CSMD1: variants seen among roughly 807,000 people sequenced by gnomAD.
The protein encoded by CSMD1 is CUB and sushi domain-containing protein 1.
CSMD1 carries 213 observed loss-of-function variants against 417.5 expected under a neutral mutation model. The observed-to-expected ratio is 0.51, with a 90% CI of 0.46 to 0.57. The LOEUF is 0.57. Among genes scored for constraint, CSMD1 ranks in the 20% least tolerant of loss-of-function variants. The probability of loss-of-function intolerance (pLI) is 0.00; values close to 1 mark genes in which losing one functional copy is unlikely to be tolerated. For synonymous variants in CSMD1, 2,862 were observed against 1,736.8 expected, an observed-to-expected ratio of 1.65 and a Z score of -16.11; for missense variants, 6,923 against 4,529.7, an observed-to-expected ratio of 1.53 and a Z score of -15.17.
chr8:3,209,875 A>G (rs1470628801), intron 30 of CSMD1, among the ~76,000 whole-genome samples: 1 of 152,340 alleles, frequency 6.6e-6, no homozygotes, highest in East Asian at 1.9e-4. Context: ...TCTCGTACAT[A>G]AAAGCAACCA....
In CSMD1 at chr8:3,315,460, G is replaced by GTGTGTGTGTT. The variant is rs370216684; in HGVS notation, c.3632-6958_3632-6957insAACACACACA. ...TGAGTGTGTGTGTGTGTGTGTGTGT[G>GTGTGTGTGTT]TGATTTTTAAACTATCTTTTAAATT... is the stretch of plus-strand genomic sequence containing the variant. On this transcript the variant is annotated intron_variant, in intron 23 of 69. Transcript: ENST00000635120. Among the ~76,000 whole-genome samples the GTGTGTGTGTT allele has an allele frequency of 2.4e-3, 366 of 151,520 alleles. 1 individual carries two copies. The highest frequency in any genetic ancestry group is 3.3e-3 in the Non-Finnish European group (227 of 67,808).
Position 4,607,928 on chromosome 8 carries a change from G to C in CSMD1, c.302+29414C>G, listed in dbSNP as rs146114457. Among the ~76,000 whole-genome samples, 297 of 152,222 alleles carry C rather than the reference G, an allele frequency of 2.0e-3. 2 individuals carry two copies. Among genetic ancestry groups the C allele is most frequent in the African/African-American group, 6.8e-3 (284 of 41,546 alleles). On this transcript the variant is annotated intron_variant, in intron 2 of 69. Coordinates refer to ENST00000635120, the MANE Select transcript of CSMD1 (RefSeq NM_033225.6). ...AAGAGCTTGGACACTGGCTAGTGTT[G>C]AGGTCTCACTGACATCTGGCGACTT...
chr8:4,784,037 G>C (rs899741236), intron 1 of CSMD1, among the ~76,000 whole-genome samples: 1 of 152,172 alleles, frequency 6.6e-6, no homozygotes, highest in Non-Finnish European at 1.5e-5. Context: ...AAGTGTATTT[G>C]ATAATTTGTA....
chr8:4,275,159 T>C (rs756057149), intron 3 of CSMD1, among the ~76,000 whole-genome samples: 1 of 152,194 alleles, frequency 6.6e-6, no homozygotes, highest in Non-Finnish European at 1.5e-5. Flanking sequence ...TTTTACGGCA[T>C]AGTTACATTT....
chr8:3,913,276 G>C (rs1047897432), intron 5 of CSMD1, among the ~76,000 whole-genome samples: 3 of 152,146 alleles, frequency 2.0e-5, no homozygotes, highest in African/African-American at 7.2e-5. Flanking sequence ...AAGCCATGGG[G>C]AGGTTTTTGT....
At chr8:2,985,447 C>T (rs923615880) in intron 54 of CSMD1, among the ~76,000 whole-genome samples, 2 of 151,984 alleles carry the variant, frequency 1.3e-5, no homozygotes, top group African/African-American at 4.8e-5. Flanking sequence ...CACTGTTTCA[C>T]CACGTGAGGG....
intron 3 of CSMD1, among the ~76,000 whole-genome samples, chr8:4,131,742 G>A (rs376408966): frequency 7.2e-6 from 1 of 139,614 alleles, no homozygotes; most frequent in Admixed American, 7.4e-5. Flanking sequence ...GATTAAATTA[G>A]TATACAAATG....
rs151063449 is a variant in CSMD1 at position 4,169,179 on chromosome 8, G to C, written c.416-137080C>G. Among the ~76,000 whole-genome samples, 914 of 152,252 alleles carry C rather than the reference G, an allele frequency of 6.0e-3. 11 individuals carry two copies. The highest frequency in any genetic ancestry group is 0.02 in the African/African-American group (833 of 41,532). ...TGTAAACACCGTCTCTACGGTTTCA[G>C]AATGTTAACATAGTGTACGTCACCA... On this transcript the variant is annotated intron_variant, in intron 3 of 69. Coordinates refer to ENST00000635120, the MANE Select transcript of CSMD1 (RefSeq NM_033225.6).
At chr8:4,689,980 G>C (rs1245922976) in intron 1 of CSMD1, among the ~76,000 whole-genome samples, 3 of 152,170 alleles carry the variant, frequency 2.0e-5, no homozygotes, top group Non-Finnish European at 4.4e-5. Flanking sequence ...CGTAAGCGTA[G>C]TGCTAAAGAA....
chr8:4,495,642 G>A (rs1480753235), intron 2 of CSMD1, among the ~76,000 whole-genome samples: 1 of 152,030 alleles, frequency 6.6e-6, no homozygotes, highest in Non-Finnish European at 1.5e-5. Flanking sequence ...CAGACCTTGT[G>A]GAAGAATAGA....
chr8:3,181,601 G>C (rs1176350560), intron 36 of CSMD1, among the ~76,000 whole-genome samples: 2 of 152,166 alleles, frequency 1.3e-5, no homozygotes, highest in African/African-American at 2.4e-5. Flanking sequence ...GGAGCAGTCG[G>C]ACCCTGTGGA....
intron 50 of CSMD1, among the ~76,000 whole-genome samples, chr8:3,040,728 G>T (rs1377079295): frequency 6.6e-6 from 1 of 151,998 alleles, no homozygotes; most frequent in Non-Finnish European, 1.5e-5. Context: ...GCTTGAACCC[G>T]AGAGACAGAG....
chr8:3,809,863 C>A (rs928671528), intron 5 of CSMD1, among the ~76,000 whole-genome samples: 4 of 152,146 alleles, frequency 2.6e-5, no homozygotes, highest in Non-Finnish European at 5.9e-5. Flanking sequence ...CTGGTGAGAA[C>A]GTCAATATCA....
In CSMD1 at chr8:4,578,332, ATTTTTTTTTTTT is replaced by A. The variant is rs1172600205; in HGVS notation, c.302+58998_302+59009del. Among the ~76,000 whole-genome samples the A allele has an allele frequency of 4.1e-4, 20 of 48,776 alleles. No individual in the cohort carries two copies. In the Admixed American group the frequency reaches 4.3e-3, roughly 11 times the overall value. 32.0% of individuals were successfully genotyped at this position (48,776 alleles called of 152,430 possible). A position where few individuals can be genotyped will look rare whatever the true frequency, so the allele number is the denominator to read the frequency against. ...AGGCACCTGCCACGACACCCGGCTCATTTTTTTTTTTTTTTTTTTTTTTTTTTTAGGACAGAC... is the reference window on the plus strand; with the variant it reads ...AGGCACCTGCCACGACACCCGGCTCATTTTTTTTTTTTTTTTAGGACAGAC... On this transcript the variant is annotated intron_variant, in intron 2 of 69. Transcript: ENST00000635120.
intron 3 of CSMD1, among the ~76,000 whole-genome samples, chr8:4,243,011 G>C (rs145951714): frequency 2.0e-5 from 3 of 152,258 alleles, no homozygotes; most frequent in East Asian, 1.9e-4. Flanking sequence ...AAAATGCAAA[G>C]GAAACAGACT....
Position 4,371,714 on chromosome 8 carries a change from G to A in CSMD1, c.415+48239C>T, listed in dbSNP as rs536254441. 3.3e-5 allele frequency among the ~76,000 whole-genome samples: 5 copies of A among 152,282 alleles called. No individual in the cohort carries two copies. The East Asian group carries it at 7.7e-4, about 23-fold the overall frequency. Reference sequence around the variant, plus strand: ...TAGCTATATAATCATTACTTTGTATGTATGTATGTTTTTATGTATTTTTCA... The same window carrying A: ...TAGCTATATAATCATTACTTTGTATATATGTATGTTTTTATGTATTTTTCA... On this transcript the variant is annotated intron_variant, in intron 3 of 69. Coordinates refer to ENST00000635120, the MANE Select transcript of CSMD1 (RefSeq NM_033225.6).
At chr8:3,517,597 C>T (rs1440362165) in intron 10 of CSMD1, among the ~76,000 whole-genome samples, 1 of 152,140 alleles carries the variant, frequency 6.6e-6, no homozygotes, top group South Asian at 2.1e-4. Context: ...CAAATACAGG[C>T]TGAGGGAATA....
intron 3 of CSMD1, among the ~76,000 whole-genome samples, chr8:4,351,055 A>G (rs1801064180): frequency 6.6e-6 from 1 of 152,146 alleles, no homozygotes; most frequent in African/African-American, 2.4e-5. Flanking sequence ...TGCCTGGCTC[A>G]GACCAGTAAT....
intron 2 of CSMD1, among the ~76,000 whole-genome samples, chr8:4,498,920 C>G (rs1416473003): frequency 1.3e-5 from 2 of 151,902 alleles, no homozygotes; most frequent in African/African-American, 4.8e-5. Flanking sequence ...TCACAGGGCT[C>G]AACATTACAT....
Sources: gnomAD v4.1 joint callset for allele counts (sites outside exome capture counted in the v4.1 genomes callset) on GRCh38, gnomAD v4.1.1 for gene constraint, MANE v1.5 for transcripts, NCBI Gene and HGNC (gene_info 2026-07-23, HGNC 2026-07-21) for gene names.